SEMA6D: variants seen among roughly 807,000 people sequenced by gnomAD.
SEMA6D encodes semaphorin-6D.
A neutral mutation model predicts 106.6 loss-of-function variants in SEMA6D; 35 were observed. That is an observed-to-expected ratio of 0.33 (90% confidence interval 0.25 to 0.44). The LOEUF (loss-of-function observed/expected upper bound fraction) is 0.44. Among genes scored for constraint, SEMA6D ranks in the 20% least tolerant of loss-of-function variants. The pLI, the probability that SEMA6D is intolerant of heterozygous loss-of-function variation, is 1.00. For synonymous variants in SEMA6D, 499 were observed against 487.7 expected, an observed-to-expected ratio of 1.02 and a Z score of -0.31; for missense variants, 1,185 against 1,345.9, an observed-to-expected ratio of 0.88 and a Z score of 1.87.
chr15:47,270,644 T>C (rs974733661), intron 1 of SEMA6D, among the ~76,000 whole-genome samples: 2 of 152,220 alleles, frequency 1.3e-5, no homozygotes, highest in South Asian at 2.1e-4. Flanking sequence ...ATATTTGCTT[T>C]ATCACAAACT....
intron 1 of SEMA6D, among the ~76,000 whole-genome samples, chr15:47,368,462 T>C (rs910185396): frequency 1.3e-4 from 14 of 106,086 alleles, no homozygotes; most frequent in African/African-American, 4.0e-4. Context: ...AAATTAGCCT[T>C]TATTTATTTA....
intron 1 of SEMA6D, among the ~76,000 whole-genome samples, chr15:47,390,002 C>T (rs2039972298): frequency 6.6e-6 from 1 of 152,188 alleles, no homozygotes; most frequent in African/African-American, 2.4e-5. Flanking sequence ...TTCACAAGCT[C>T]TTTTAGATGA....
rs1397284323 is a variant in SEMA6D, at chr15:47,772,686, T to C, written c.*901T>C. 2 of 152,558 alleles carry C rather than the reference T, an allele frequency of 1.3e-5. No individual in the cohort carries two copies. The highest frequency in any genetic ancestry group is 4.8e-5 in the African/African-American group (2 of 41,428). The allele number at this position is 152,558 out of a possible 1,614,324, so 9.5% of individuals were successfully genotyped here. ...AGATCAAGATATTAAGAGGTATCCT[T>C]GATTTATTTTCCAGTATTCAGTAGT... is the stretch of plus-strand genomic sequence containing the variant. On this transcript the variant is annotated 3_prime_UTR_variant, in exon 19 of 19. Coordinates refer to ENST00000536845, the MANE Select transcript of SEMA6D (RefSeq NM_001358351.3).
At position 47,523,419 on chromosome 15, in the gene SEMA6D, G is replaced by C. The variant is rs180846256; in HGVS notation, c.-87+52874G>C. On this transcript the variant is annotated intron_variant, in intron 3 of 19. Transcript: ENST00000558014. ...GAATCAAAGGCTGGGAAGGAGACAG[G>C]GTGGGGCAGGGGAAGACAGGAAGAA... Among the ~76,000 whole-genome samples, 4 of 152,140 alleles carry C rather than the reference G, an allele frequency of 2.6e-5. No homozygotes were observed. In the East Asian group the frequency reaches 7.8e-4, roughly 30 times the overall value.
chr15:47,262,253 G>A (rs779589943), intron 1 of SEMA6D, among the ~76,000 whole-genome samples: 10 of 152,022 alleles, frequency 6.6e-5, no homozygotes, highest in African/African-American at 1.2e-4. Flanking sequence ...TAAAATGGCC[G>A]TACTGCCCAA....
chr15:47,552,800 A>G, intron 3 of SEMA6D, among the ~76,000 whole-genome samples: 1 of 50,830 alleles, frequency 2.0e-5, no homozygotes, highest in Non-Finnish European at 3.0e-5. Flanking sequence ...TTTTATATAT[A>G]TATAAAAATA....
At chr15:47,656,522 A>G (rs1043507716) in intron 4 of SEMA6D, among the ~76,000 whole-genome samples, 1 of 152,216 alleles carries the variant, frequency 6.6e-6, no homozygotes. Flanking sequence ...TTCAAATAGC[A>G]ATGAACACAC....
chr15:47,719,513 T>G (rs1567018101), intron 1 of SEMA6D, among the ~76,000 whole-genome samples: 2 of 152,210 alleles, frequency 1.3e-5, no homozygotes, highest in Non-Finnish European at 2.9e-5. Context: ...ATGGGTGCTT[T>G]TTAAGGTTGC....
intron 1 of SEMA6D, among the ~76,000 whole-genome samples, chr15:47,744,780 T>C (rs1178777040): frequency 6.6e-6 from 1 of 152,234 alleles, no homozygotes; most frequent in East Asian, 1.9e-4. Flanking sequence ...CTTTGTATCC[T>C]AGGCAACGGC....
intron 1 of SEMA6D, among the ~76,000 whole-genome samples, chr15:47,364,873 C>T (rs2038955498): frequency 6.6e-6 from 1 of 152,112 alleles, no homozygotes; most frequent in Admixed American, 6.5e-5. Flanking sequence ...GATCTGGGCA[C>T]ATCTGGCTGC....
At chr15:47,459,772 A>G (rs2042447379) in intron 2 of SEMA6D, among the ~76,000 whole-genome samples, 1 of 152,064 alleles carries the variant, frequency 6.6e-6, no homozygotes. Flanking sequence ...TCTGGTGGAG[A>G]GTCTATTAAA....
chr15:47,746,767 C>G (rs776033783), intron 1 of SEMA6D, among the ~76,000 whole-genome samples: 5 of 152,150 alleles, frequency 3.3e-5, no homozygotes, highest in Admixed American at 6.5e-5. Context: ...CCCTTGGAAC[C>G]TTGAGCCCTT....
upstream of SEMA6D, among the ~76,000 whole-genome samples, chr15:47,713,919 C>T (rs1293245501): frequency 1.3e-5 from 2 of 152,152 alleles, no homozygotes; most frequent in African/African-American, 4.8e-5. Flanking sequence ...CTGCAGGATT[C>T]CCAGATTCTG....
intron 1 of SEMA6D, among the ~76,000 whole-genome samples, chr15:47,261,046 G>C (rs1310393399): frequency 6.6e-6 from 1 of 152,140 alleles, no homozygotes; most frequent in African/African-American, 2.4e-5. Flanking sequence ...ATCCTTTGGA[G>C]GCCTCTGGAT....
Position 47,307,154 on chromosome 15 carries a change from A to G in SEMA6D, c.-238-105239A>G, listed in dbSNP as rs1280021815. Reference sequence around the variant, plus strand: ...GTTGTGAGGATTAATGAGATAATCAATTTTCTGTTAATCACTTAGAATAAT... The same window carrying G: ...GTTGTGAGGATTAATGAGATAATCAGTTTTCTGTTAATCACTTAGAATAAT... On this transcript the variant is annotated intron_variant, in intron 1 of 19. Coordinates refer to the SEMA6D transcript ENST00000558014. Among the ~76,000 whole-genome samples, 7 of 152,212 alleles carry G rather than the reference A, an allele frequency of 4.6e-5. No homozygotes were observed. The South Asian group carries it at 6.2e-4, about 14-fold the overall frequency.
chr15:47,373,502 C>G (rs546034448), intron 1 of SEMA6D, among the ~76,000 whole-genome samples: 2 of 152,018 alleles, frequency 1.3e-5, no homozygotes, highest in African/African-American at 4.8e-5. Context: ...ATGCTGGAGA[C>G]CTGGAGTGAG....
intron 2 of SEMA6D, among the ~76,000 whole-genome samples, chr15:47,438,027 T>G (rs772728640): frequency 6.6e-6 from 1 of 152,098 alleles, no homozygotes; most frequent in Non-Finnish European, 1.5e-5. Flanking sequence ...TTTGGTTGTG[T>G]GACTGAATTG....
intron 3 of SEMA6D, among the ~76,000 whole-genome samples, chr15:47,517,379 T>TGTGTGA (rs1305710781): frequency 6.6e-6 from 1 of 152,150 alleles, no homozygotes; most frequent in Non-Finnish European, 1.5e-5. Flanking sequence ...GAGCTGAGTG[T>TGTGTGA]GTGTGAGTGT....
chr15:47,302,474 C>A (rs1329265203), intron 1 of SEMA6D, among the ~76,000 whole-genome samples: 3 of 152,140 alleles, frequency 2.0e-5, no homozygotes, highest in Non-Finnish European at 4.4e-5. Context: ...ACATCTTAAT[C>A]CACAGAACCT....
Sources: gnomAD v4.1 joint callset for allele counts (sites outside exome capture counted in the v4.1 genomes callset) on GRCh38, gnomAD v4.1.1 for gene constraint, MANE v1.5 for transcripts, NCBI Gene and HGNC (gene_info 2026-07-23, HGNC 2026-07-21) for gene names.